Variants in DAB1 observed in about 807,000 individuals in gnomAD.
DAB1 encodes the protein DAB adaptor protein 1.
In DAB1, 15 loss-of-function variants were observed where a neutral mutation model predicts 64.6. The ratio of observed to expected loss-of-function variants is 0.23; its 90% CI spans 0.16 to 0.36. The LOEUF (loss-of-function observed/expected upper bound fraction) is 0.36, where lower values mean the gene tolerates loss of function less well. Among genes scored for constraint, DAB1 ranks in the 10% least tolerant of loss-of-function variants. The pLI, the probability that DAB1 is intolerant of heterozygous loss-of-function variation, is 1.00. For synonymous variants in DAB1, 235 were observed against 251.9 expected, an observed-to-expected ratio of 0.93 and a Z score of 0.64; for missense variants, 596 against 706.7, an observed-to-expected ratio of 0.84 and a Z score of 1.78.
chr1:57,139,135 C>T (rs1658369751), intron 3 of DAB1, among the ~76,000 whole-genome samples: 4 of 152,016 alleles, frequency 2.6e-5, no homozygotes, highest in African/African-American at 4.8e-5. Context: ...TGATGGTGGC[C>T]GAATGTGTCC....
In DAB1 at chr1:58,373,595, C is replaced by A. The variant is rs535109268; in HGVS notation, n.258-30192G>T. 4.4e-3 allele frequency among the ~76,000 whole-genome samples: 672 copies of A among 151,904 alleles called. 5 individuals are homozygous for A. Among genetic ancestry groups the A allele is most frequent in the African/African-American group, 0.015 (634 of 41,440 alleles). Reference sequence around the variant, plus strand: ...CATTGTTGGACATTTGGGTTGGTTCCAAGTCTTTGCTATTGTGAATAATGC... The same window carrying A: ...CATTGTTGGACATTTGGGTTGGTTCAAAGTCTTTGCTATTGTGAATAATGC... On this transcript the variant is annotated intron_variant and non_coding_transcript_variant, in intron 3 of 20. Transcript: ENST00000485760.
chr1:58,034,097 G>C (rs1647009457), intron 5 of DAB1, among the ~76,000 whole-genome samples: 1 of 152,186 alleles, frequency 6.6e-6, no homozygotes, highest in Non-Finnish European at 1.5e-5. Context: ...TGTTGCTTCA[G>C]CAATTATTAT....
intron 5 of DAB1, among the ~76,000 whole-genome samples, chr1:58,039,692 A>T (rs1239880852): frequency 2.6e-5 from 4 of 152,140 alleles, no homozygotes; most frequent in Non-Finnish European, 5.9e-5. Context: ...AGCCAGTAAG[A>T]GGCAGTGTGG....
intron 5 of DAB1, among the ~76,000 whole-genome samples, chr1:58,074,581 T>TACAC: frequency 7.6e-6 from 1 of 131,530 alleles, no homozygotes; most frequent in African/African-American, 2.7e-5. Context: ...TATATATATA[T>TACAC]ATATATATAT....
At chr1:58,063,705 C>T (rs1652084354) in intron 5 of DAB1, among the ~76,000 whole-genome samples, 1 of 152,150 alleles carries the variant, frequency 6.6e-6, no homozygotes, top group Non-Finnish European at 1.5e-5. Context: ...CTGTGCTTTC[C>T]CTGCATTATC....
chr1:58,185,494 T>C (rs1657025275), intron 4 of DAB1, among the ~76,000 whole-genome samples: 1 of 152,210 alleles, frequency 6.6e-6, no homozygotes. Context: ...GCTTTCCTGA[T>C]TGGACATCTG....
chr1:57,968,956 T>C (rs1376067184), intron 5 of DAB1, among the ~76,000 whole-genome samples: 7 of 152,196 alleles, frequency 4.6e-5, no homozygotes, highest in South Asian at 2.1e-4. Flanking sequence ...ATAATTTGTA[T>C]ACTGTTCAAT....
intron 9 of DAB1, among the ~76,000 whole-genome samples, chr1:57,030,676 G>A (rs1372672740): frequency 1.3e-5 from 2 of 152,204 alleles, no homozygotes; most frequent in Non-Finnish European, 2.9e-5. Flanking sequence ...CCCAGCAGCT[G>A]ATGGGAATGA....
At chr1:58,406,413 G>C (rs181993276) in intron 3 of DAB1, among the ~76,000 whole-genome samples, 1 of 152,356 alleles carries the variant, frequency 6.6e-6, no homozygotes, top group East Asian at 1.9e-4. Context: ...CAGAAATCCT[G>C]TTGAAGTCCC....
At chr1:58,126,895 T>A (rs1344035666) in intron 5 of DAB1, among the ~76,000 whole-genome samples, 1 of 145,440 alleles carries the variant, frequency 6.9e-6, no homozygotes, top group African/African-American at 2.6e-5. Flanking sequence ...TCTTTGCTAT[T>A]GTGAATAATG....
intron 3 of DAB1, among the ~76,000 whole-genome samples, chr1:58,388,194 T>G (rs1246881021): frequency 6.6e-6 from 1 of 152,142 alleles, no homozygotes; most frequent in African/African-American, 2.4e-5. Context: ...TAGTTCACTA[T>G]ATTTTGGGGT....
intron 10 of DAB1, among the ~76,000 whole-genome samples, chr1:57,025,199 G>A (rs553249003): frequency 7.0e-4 from 106 of 152,314 alleles, no homozygotes; most frequent in African/African-American, 2.4e-3. Flanking sequence ...GGGCCATCTC[G>A]GCTCTTTTCT....
intron 7 of DAB1, among the ~76,000 whole-genome samples, chr1:57,441,633 C>A (rs193098387): frequency 6.6e-6 from 1 of 152,094 alleles, no homozygotes; most frequent in Non-Finnish European, 1.5e-5. Context: ...AGATTACAGG[C>A]GTGAGTCACC....
chr1:57,865,288 G>T (rs1358535584), intron 1 of DAB1, among the ~76,000 whole-genome samples: 1 of 152,154 alleles, frequency 6.6e-6, no homozygotes. Flanking sequence ...GCTAGAAAAG[G>T]CAGTCCTTGT....
chr1:57,275,310 G>A (rs977477825), intron 2 of DAB1, among the ~76,000 whole-genome samples: 1 of 152,124 alleles, frequency 6.6e-6, no homozygotes, highest in Non-Finnish European at 1.5e-5. Context: ...ACAAATAATG[G>A]AATCCTAATA....
intron 7 of DAB1, among the ~76,000 whole-genome samples, chr1:57,511,001 T>A (rs576172212): frequency 6.6e-6 from 1 of 152,324 alleles, no homozygotes; most frequent in East Asian, 1.9e-4. Context: ...TCTTGCATCA[T>A]CAGTCTCCCT....
chr1:57,032,133 A>T (rs1370907257), intron 9 of DAB1, among the ~76,000 whole-genome samples: 1 of 152,070 alleles, frequency 6.6e-6, no homozygotes, highest in Non-Finnish European at 1.5e-5. Flanking sequence ...GGCCTTTCCC[A>T]AAGAGAAATT....
At chr1:57,446,428 T>C (rs1032699520) in intron 7 of DAB1, among the ~76,000 whole-genome samples, 1 of 151,952 alleles carries the variant, frequency 6.6e-6, no homozygotes, top group African/African-American at 2.4e-5. Flanking sequence ...AGAAACTCCA[T>C]CTCTACTAAA....
chr1:58,531,797 C>T (rs756805586), intron 1 of DAB1, among the ~76,000 whole-genome samples: 1 of 152,128 alleles, frequency 6.6e-6, no homozygotes, highest in Non-Finnish European at 1.5e-5. Context: ...GCAACCTCCG[C>T]CTCCAGGTTC....
Sources: allele counts gnomAD v4.1 joint callset (sites outside exome capture counted in the v4.1 genomes callset), GRCh38; gene constraint gnomAD v4.1.1; transcripts MANE v1.5; gene names NCBI Gene and HGNC (gene_info 2026-07-23, HGNC 2026-07-21).